Variants in FIP1L1 observed in about 807,000 individuals in gnomAD.
The protein encoded by FIP1L1 is factor interacting with PAPOLA and CPSF1, also known as pre-mRNA 3'-end-processing factor FIP1.
Under a neutral mutation model 84.6 loss-of-function variants are expected in FIP1L1, and 21 were observed. The ratio of observed to expected loss-of-function variants is 0.25; its 90% CI spans 0.18 to 0.36. The LOEUF is 0.36. Ranked by LOEUF, FIP1L1 falls within the 10% of genes least tolerant of loss-of-function variation. The probability of loss-of-function intolerance (pLI) is 1.00; values close to 1 mark genes in which losing one functional copy is unlikely to be tolerated. For missense variants in FIP1L1, 526 were observed against 751.1 expected (o/e 0.70, Z 3.50); for synonymous variants, 263 against 242.3 (o/e 1.09, Z -0.80).
intron 17 of FIP1L1, 102 bp downstream of exon 17, chr4:53,458,892 T>G: frequency 7.6e-7 from 1 of 1,312,912 alleles, no homozygotes; most frequent in East Asian, 2.5e-5. Flanking sequence ...TGAACCAGTC[T>G]TGCTTGGTTT....
At chr4:53,431,402 T>A (rs905970379) in intron 13 of FIP1L1, among the ~76,000 whole-genome samples, 4 of 152,210 alleles carry the variant, frequency 2.6e-5, no homozygotes, top group Admixed American at 2.6e-4. Flanking sequence ...ATTCCATTTT[T>A]CTTAGATAAA....
chr4:53,453,915 T>C (rs1303615482), intron 16 of FIP1L1, among the ~76,000 whole-genome samples: 3 of 152,244 alleles, frequency 2.0e-5, no homozygotes, highest in Admixed American at 1.3e-4. Flanking sequence ...TCTTTAAGAA[T>C]TGGAAATTTT....
chr4:53,379,404 T>A, intron 3 of FIP1L1, 140 bp downstream of exon 3: 4 of 770,078 alleles, frequency 5.2e-6, no homozygotes, highest in Non-Finnish European at 8.5e-6. Flanking sequence ...TTGAATCCTT[T>A]AAGGATTATT....
rs181637505 is a variant in FIP1L1 at position 53,440,049 on chromosome 4, C to T, written c.1175-2604C>T. On this transcript the variant is annotated intron_variant, in intron 13 of 17. Transcript: ENST00000337488. ...GAATTGGTTTTTCCCCCTTTCTCTC[C>T]TACAAATCAAAGGAAATGTTAGCCT... 4.4e-3 allele frequency among the ~76,000 whole-genome samples: 673 copies of T among 152,024 alleles called. 5 individuals are homozygous for T. The highest frequency in any genetic ancestry group is 0.034 in the Middle Eastern group (10 of 294).
chr4:53,382,526 TAG>T (rs1191964199), intron 4 of FIP1L1, among the ~76,000 whole-genome samples, 191 bp downstream of exon 4: 1 of 152,210 alleles, frequency 6.6e-6, no homozygotes, highest in African/African-American at 2.4e-5. Flanking sequence ...AAAGAAATAG[TAG>T]AAAGACTGCA....
rs868578607 is a variant in FIP1L1, at chr4:53,377,739, C to T, written c.-100C>T. Reference sequence around the variant, plus strand: ...TCTCGAGCTTTCTTCGTTCGTTCGTCGGCGGGTTCGCGCCCTTCTCGCGCC... The same window carrying T: ...TCTCGAGCTTTCTTCGTTCGTTCGTTGGCGGGTTCGCGCCCTTCTCGCGCC... On this transcript the variant is annotated 5_prime_UTR_variant, in exon 1 of 18. Transcript: ENST00000337488. 5.7e-5 allele frequency: 64 copies of T among 1,131,138 alleles called. 2 individuals carry two copies. In the African/African-American group the frequency reaches 8.3e-4, roughly 15 times the overall value. The allele number at this position is 1,131,138 out of a possible 1,614,324, so 70.1% of individuals were successfully genotyped here. A position where few individuals can be genotyped will look rare whatever the true frequency, so the allele number is the denominator to read the frequency against.
intron 15 of FIP1L1, among the ~76,000 whole-genome samples, chr4:53,451,943 G>T (rs1484535599): frequency 1.3e-5 from 2 of 150,718 alleles, no homozygotes; most frequent in African/African-American, 4.9e-5. Context: ...GAGTATAGTG[G>T]TGCAATCTCG....
At chr4:53,440,189 C>A (rs1363476165) in intron 13 of FIP1L1, among the ~76,000 whole-genome samples, 1 of 152,010 alleles carries the variant, frequency 6.6e-6, no homozygotes, top group African/African-American at 2.4e-5. Context: ...GTACTACCTG[C>A]AGTATTAGAG....
At chr4:53,400,083 A>G (rs1304215486) in intron 10 of FIP1L1, among the ~76,000 whole-genome samples, 1 of 152,198 alleles carries the variant, frequency 6.6e-6, no homozygotes, top group African/African-American at 2.4e-5. Flanking sequence ...ACAATCTTAT[A>G]TTCAAGAGAG....
At chr4:53,449,650 A>G (rs1235468635) in intron 15 of FIP1L1, among the ~76,000 whole-genome samples, 2 of 152,076 alleles carry the variant, frequency 1.3e-5, no homozygotes, top group Non-Finnish European at 2.9e-5. Context: ...AAGTCAGGGA[A>G]TAATCTTTTT....
intron 5 of FIP1L1, among the ~76,000 whole-genome samples, chr4:53,387,808 A>G (rs1290813895): frequency 1.3e-5 from 2 of 152,228 alleles, no homozygotes; most frequent in Non-Finnish European, 2.9e-5. Flanking sequence ...AATCATGTAC[A>G]TCATATGTAG....
chr4:53,430,587 T>G (rs1766215624), intron 13 of FIP1L1, among the ~76,000 whole-genome samples: 1 of 152,062 alleles, frequency 6.6e-6, no homozygotes, highest in Non-Finnish European at 1.5e-5. Flanking sequence ...TCTGCCCTCC[T>G]CGGCCTCCCA....
At chr4:53,415,048 C>T (rs571247640) in intron 11 of FIP1L1, among the ~76,000 whole-genome samples, 1 of 152,076 alleles carries the variant, frequency 6.6e-6, no homozygotes, top group South Asian at 2.1e-4. Context: ...TTCCCAGGTG[C>T]TTTTCACTAC....
chr4:53,447,706 C>T (rs76563120), intron 15 of FIP1L1, among the ~76,000 whole-genome samples: 2,781 of 151,992 alleles, frequency 0.018, 88 homozygotes, highest in African/African-American at 0.064. Context: ...TTTTGGATTT[C>T]GGATGTTTGT....
At chr4:53,423,167 T>C (rs1426413201) in intron 11 of FIP1L1, among the ~76,000 whole-genome samples, 10 of 152,212 alleles carry the variant, frequency 6.6e-5, no homozygotes, top group Admixed American at 5.9e-4. Flanking sequence ...TCAGAGATAT[T>C]TTTATATTCA....
intron 15 of FIP1L1, among the ~76,000 whole-genome samples, chr4:53,444,723 A>G (rs1773456448): frequency 6.6e-6 from 1 of 152,060 alleles, no homozygotes; most frequent in African/African-American, 2.4e-5. Context: ...CTAGGACTAC[A>G]GGCGTGCATC....
At chr4:53,436,505 G>A (rs1315101571) in intron 13 of FIP1L1, among the ~76,000 whole-genome samples, 1 of 152,150 alleles carries the variant, frequency 6.6e-6, no homozygotes, top group African/African-American at 2.4e-5. Flanking sequence ...AGAAATAACT[G>A]TCTTTTGTAA....
At chr4:53,444,009 T>C (rs375045047) in intron 14 of FIP1L1, 39 bp from the exon 15 acceptor site, 71 of 1,465,460 alleles carry the variant, frequency 4.8e-5, no homozygotes, top group Non-Finnish European at 6.4e-5. Flanking sequence ...TCAGAACTTA[T>C]TTGTACCAGA....
chr4:53,388,826 G>C (rs1742579644), intron 5 of FIP1L1, among the ~76,000 whole-genome samples: 1 of 152,100 alleles, frequency 6.6e-6, no homozygotes, highest in Non-Finnish European at 1.5e-5. Flanking sequence ...ATGTATACAA[G>C]GCTCATTTAT....
Sources: gnomAD v4.1 joint callset for allele counts (sites outside exome capture counted in the v4.1 genomes callset) on GRCh38, gnomAD v4.1.1 for gene constraint, MANE v1.5 for transcripts, NCBI Gene and HGNC (gene_info 2026-07-23, HGNC 2026-07-21) for gene names.